TNIK: variants seen among roughly 807,000 people sequenced by gnomAD.
The protein encoded by TNIK is TRAF2 and NCK-interacting protein kinase.
Under a neutral mutation model 191.3 loss-of-function variants are expected in TNIK, and 49 were observed. The ratio of observed to expected loss-of-function variants is 0.26; its 90% confidence interval spans 0.20 to 0.32. The LOEUF (loss-of-function observed/expected upper bound fraction) is 0.32. TNIK is among the 10% of genes least tolerant of loss of function. The probability of loss-of-function intolerance (pLI) is 1.00; values close to 1 mark genes in which losing one functional copy is unlikely to be tolerated. For missense variants in TNIK, 1,155 were observed against 1,702.3 expected, an observed-to-expected ratio of 0.68 and a Z score of 5.66; for synonymous variants, 594 against 600.9, an observed-to-expected ratio of 0.99 and a Z score of 0.17.
In TNIK at chr3:171,201,169, G is replaced by A. The variant is rs541857826; in HGVS notation, c.307-6534C>T. ...AATCCCAGCACTTTGGGAGGCCGAG[G>A]TGGGCAGATCACCTGAGGTCAGGAG... On this transcript the variant is annotated intron_variant, in intron 4 of 32. Coordinates refer to ENST00000436636, the MANE Select transcript of TNIK (RefSeq NM_015028.4). 2.0e-5 allele frequency among the ~76,000 whole-genome samples: 3 copies of A among 152,308 alleles called. No homozygotes were observed. In the East Asian group the frequency reaches 5.8e-4, roughly 30 times the overall value.
At chr3:171,098,230 G>T (rs1434269619) in intron 22 of TNIK, among the ~76,000 whole-genome samples, 2 of 152,136 alleles carry the variant, frequency 1.3e-5, no homozygotes, top group African/African-American at 4.8e-5. Context: ...TGCCTCTTTG[G>T]CTTGCTTGAT....
chr3:171,228,331 G>T (rs1331892559), intron 2 of TNIK, 110 bp from the exon 3 acceptor site: 6 of 1,078,754 alleles, frequency 5.6e-6, no homozygotes, highest in Non-Finnish European at 6.8e-6. Context: ...ATGTCAATGG[G>T]GGGAGAGAGA....
intron 1 of TNIK, among the ~76,000 whole-genome samples, chr3:171,446,519 A>T (rs1056875674): frequency 6.3e-4 from 96 of 152,318 alleles, no homozygotes; most frequent in African/African-American, 2.1e-3. Context: ...CTGCAAGACC[A>T]ACTACCATAA....
intron 2 of TNIK, among the ~76,000 whole-genome samples, chr3:171,327,143 C>T (rs189468917): frequency 6.6e-6 from 1 of 152,118 alleles, no homozygotes; most frequent in Non-Finnish European, 1.5e-5. Context: ...GCAATTATAC[C>T]TCAGTGTGAC....
intron 7 of TNIK, among the ~76,000 whole-genome samples, chr3:171,186,003 A>G (rs909345805): frequency 1.2e-4 from 19 of 152,342 alleles, no homozygotes; most frequent in Middle Eastern, 3.4e-3. Flanking sequence ...CCACTGGGCC[A>G]AGTGGACCAC....
chr3:171,329,128 T>C (rs1349270590), intron 2 of TNIK, among the ~76,000 whole-genome samples: 2 of 152,090 alleles, frequency 1.3e-5, no homozygotes. Context: ...CACCCTATTT[T>C]ATTTTTCTCT....
At chr3:171,211,001 G>A (rs1740748138) in intron 4 of TNIK, 115 bp downstream of exon 4, 11 of 1,300,318 alleles carry the variant, frequency 8.5e-6, no homozygotes, top group Non-Finnish European at 1.2e-5. Flanking sequence ...GACATCATGG[G>A]GGCTAATGGT....
chr3:171,313,633 T>C lies in TNIK; in HGVS notation c.123+55987A>G, dbSNP rs552476810. Among the ~76,000 whole-genome samples, 9 of 152,178 alleles carry C rather than the reference T, an allele frequency of 5.9e-5. No homozygotes were observed. In the South Asian group the frequency reaches 1.4e-3, roughly 25 times the overall value. ...CTTATGATTTTTTTAAAAATTATCA[T>C]GAAATAACAAACATGTAGCCATGTT... On this transcript the variant is annotated intron_variant, in intron 2 of 32. Transcript: ENST00000436636.
chr3:171,227,846 T>C (rs997245683), intron 3 of TNIK, among the ~76,000 whole-genome samples: 3 of 152,220 alleles, frequency 2.0e-5, no homozygotes, highest in African/African-American at 7.2e-5. Context: ...TTGGTAGAAA[T>C]CATACTGCAA....
chr3:171,264,423 C>T (rs1301433905), intron 2 of TNIK, among the ~76,000 whole-genome samples: 2 of 151,976 alleles, frequency 1.3e-5, no homozygotes, highest in South Asian at 2.1e-4. Context: ...GGTGCTATCT[C>T]GGCTCACCTC....
chr3:171,108,247 T>A, intron 19 of TNIK, 85 bp from the exon 20 acceptor site: 38 of 1,039,712 alleles, frequency 3.7e-5, no homozygotes, highest in Non-Finnish European at 4.5e-5. Context: ...CTGTGATGTG[T>A]CATCACATTG....
intron 1 of TNIK, among the ~76,000 whole-genome samples, chr3:171,413,052 G>A (rs911729198): frequency 1.3e-5 from 2 of 152,068 alleles, no homozygotes; most frequent in African/African-American, 4.8e-5. Context: ...ACACGGAATG[G>A]GCATAATTCT....
intron 2 of TNIK, among the ~76,000 whole-genome samples, chr3:171,342,767 T>C (rs972961239): frequency 6.6e-6 from 1 of 152,228 alleles, no homozygotes; most frequent in Non-Finnish European, 1.5e-5. Flanking sequence ...ATCCTTGATA[T>C]GGTTTGGCTG....
chr3:171,415,444 A>G (rs906437290), intron 1 of TNIK, among the ~76,000 whole-genome samples: 1 of 152,192 alleles, frequency 6.6e-6, no homozygotes, highest in Non-Finnish European at 1.5e-5. Context: ...TACCTATTGC[A>G]TAAAGGAATG....
intron 1 of TNIK, among the ~76,000 whole-genome samples, chr3:171,376,966 G>A (rs182884685): frequency 1.9e-3 from 285 of 152,272 alleles, no homozygotes; most frequent in Non-Finnish European, 3.7e-3. Flanking sequence ...TCATATTCCA[G>A]TTTTCTTCAT....
In TNIK at chr3:171,453,096, T is replaced by A. The variant is rs1365311656; in HGVS notation, c.57+6911A>T. Among the ~76,000 whole-genome samples the A allele has an allele frequency of 2.0e-5, 3 of 152,158 alleles. No homozygotes were observed. In the East Asian group the frequency reaches 5.8e-4, roughly 29 times the overall value. On this transcript the variant is annotated intron_variant, in intron 1 of 32. Coordinates refer to ENST00000436636, the MANE Select transcript of TNIK (RefSeq NM_015028.4). Reference sequence around the variant, plus strand: ...TATACTCTCTCTACATAGCACCACCTCCAGCCCTTCTAAAAGGGTTGCACA... The same window carrying A: ...TATACTCTCTCTACATAGCACCACCACCAGCCCTTCTAAAAGGGTTGCACA...
Position 171,068,710 on chromosome 3 carries a change from T to G in TNIK, c.3699+138A>C, listed in dbSNP as rs1034831753. 1.4e-5 allele frequency: 10 copies of G among 723,854 alleles called. No homozygotes were observed. In the African/African-American group the frequency reaches 1.5e-4, roughly 11 times the overall value. 44.8% of individuals were successfully genotyped at this position (723,854 alleles called of 1,614,324 possible). ...TATATTTTAGTTATTAAAAGCAGTA[T>G]ACTTAATGAAGAACGAAAGTCCATT... is the stretch of plus-strand genomic sequence containing the variant. On this transcript the variant is annotated intron_variant, in intron 30 of 32. Transcript: ENST00000436636.
chr3:171,101,592 A>C lies in TNIK; in HGVS notation c.2448T>G (p.Ile816Met). ...ALAKELRELR[I>M]EETNRPMKKV... ...TCTTCATTGGGCGGTTTGTTTCTTC[A>C]ATCCGGAGTTCTCTTAGTTCTTTGG... The change falls in exon 22 of 33, where the codon ATT (isoleucine) becomes ATG (methionine). Residue 816 changes from isoleucine to methionine, a missense_variant. Physicochemically the swap from Ile to Met is conservative, Grantham distance 10. This residue lies in a region of TNIK where 735 missense variants were observed against 848.0 expected (regional missense o/e 0.87). Transcript: ENST00000436636. 6.2e-7 allele frequency: 1 copy of C among 1,613,292 alleles called. No individual in the cohort carries two copies. Among genetic ancestry groups the C allele is most frequent in the Non-Finnish European group, 8.5e-7 (1 of 1,179,482 alleles).
rs1440529909 is a variant in TNIK, at chr3:171,123,614, G to A, written c.2102C>T (p.Ser701Phe). ...NGSALGPRLG[S>F]QPIRASNPDL... ...TTCTTACCTTGCTCTGATGGGTTGA[G>A]ATCCTAGTCTGGGTCCCAGAGCACT... The change falls in exon 18 of 33, where the codon TCT (serine) becomes TTT (phenylalanine). Residue 701 changes from serine to phenylalanine, a missense_variant. Physicochemically the swap from Ser to Phe is radical, Grantham distance 155. Coordinates refer to ENST00000436636, the MANE Select transcript of TNIK (RefSeq NM_015028.4). The A allele has an allele frequency of 6.4e-7, 1 of 1,567,636 alleles. No homozygotes were observed. Among genetic ancestry groups the A allele is most frequent in the South Asian group, 1.2e-5 (1 of 84,858 alleles).
Sources: allele counts gnomAD v4.1 joint callset (sites outside exome capture counted in the v4.1 genomes callset), GRCh38; gene constraint gnomAD v4.1.1; regional missense constraint gnomAD v4.1.1; transcripts MANE v1.5; gene names NCBI Gene and HGNC (gene_info 2026-07-23, HGNC 2026-07-21).